The following TMEM132D variants were observed in gnomAD, a reference collection of about 807,000 sequenced individuals.
The protein encoded by TMEM132D is transmembrane protein 132D, also known as mature OL transmembrane protein.
In TMEM132D, 21 loss-of-function variants were observed where a neutral mutation model predicts 62.3. That is an observed-to-expected ratio of 0.34 (90% CI 0.24 to 0.49). TMEM132D has a LOEUF of 0.49. Among genes scored for constraint, TMEM132D ranks in the 20% least tolerant of loss-of-function variants. The pLI is 0.99. For missense variants in TMEM132D, 1,346 were observed against 1,402.8 expected (o/e 0.96, Z 0.65); for synonymous variants, 621 against 575.6 (o/e 1.08, Z -1.13).
intron 3 of TMEM132D, among the ~76,000 whole-genome samples, chr12:129,515,882 TG>T (rs1875659381): frequency 6.6e-6 from 1 of 152,242 alleles, no homozygotes; most frequent in African/African-American, 2.4e-5. Flanking sequence ...TCCCGTGACA[TG>T]TAAAACCTTG....
intron 1 of TMEM132D, among the ~76,000 whole-genome samples, chr12:129,737,749 G>A (rs1054201661): frequency 2.0e-5 from 3 of 152,198 alleles, no homozygotes; most frequent in African/African-American, 7.2e-5. Flanking sequence ...AAATATAGAC[G>A]TTTTAGCAAA....
intron 1 of TMEM132D, among the ~76,000 whole-genome samples, chr12:129,838,195 C>T (rs572817430): frequency 1.2e-4 from 18 of 152,320 alleles, no homozygotes; most frequent in Non-Finnish European, 2.2e-4. Flanking sequence ...CACAGGTGAG[C>T]TGCTGTTAAC....
At chr12:129,434,671 T>A (rs1872743812) in intron 3 of TMEM132D, among the ~76,000 whole-genome samples, 1 of 150,500 alleles carries the variant, frequency 6.6e-6, no homozygotes, top group Non-Finnish European at 1.5e-5. Flanking sequence ...TTTTTTTTTT[T>A]AACTGTCACA....
intron 5 of TMEM132D, among the ~76,000 whole-genome samples, chr12:129,192,628 C>T (rs1878437036): frequency 6.6e-6 from 1 of 152,148 alleles, no homozygotes; most frequent in South Asian, 2.1e-4. Flanking sequence ...GGTGTCTCTT[C>T]TTATTAATCT....
rs775031413 is a variant in TMEM132D at position 129,074,525 on chromosome 12, C to T, written c.2650G>A (p.Asp884Asn). The change falls in exon 9 of 9, where the codon GAC becomes AAC. Residue 884 changes from aspartate (D) to asparagine (N), a missense_variant. Physicochemically the swap from Asp to Asn is conservative, Grantham distance 23. Coordinates refer to ENST00000422113, the MANE Select transcript of TMEM132D (RefSeq NM_133448.3). ...ACCTGGGCTGGGAAGCTGGTGAGGT[C>T]GCTGGGGATGGTCTGCAAGTGGCTG... ...DNSHLQTIPS[D>N]LTSFPAQVDL... 1.7e-5 allele frequency: 27 copies of T among 1,613,928 alleles called. No individual in the cohort carries two copies. The Admixed American group carries it at 2.2e-4, about 13-fold the overall frequency.
chr12:129,529,569 C>T (rs1487593457), intron 3 of TMEM132D, among the ~76,000 whole-genome samples: 1 of 152,236 alleles, frequency 6.6e-6, no homozygotes, highest in Non-Finnish European at 1.5e-5. Context: ...ACTACAACTA[C>T]TGCTTCTACT....
intron 5 of TMEM132D, among the ~76,000 whole-genome samples, chr12:129,200,829 G>A (rs1406608497): frequency 2.0e-5 from 3 of 152,178 alleles, no homozygotes; most frequent in Middle Eastern, 3.2e-3. Flanking sequence ...CTGCAGAAGA[G>A]CTTCTCTGAT....
At chr12:129,430,798 G>A (rs188420607) in intron 3 of TMEM132D, among the ~76,000 whole-genome samples, 5 of 152,284 alleles carry the variant, frequency 3.3e-5, no homozygotes, top group Non-Finnish European at 4.4e-5. Flanking sequence ...AATTGCAGTC[G>A]ATGGGATGGA....
chr12:129,765,045 G>A (rs1850333707), intron 1 of TMEM132D, among the ~76,000 whole-genome samples: 1 of 152,118 alleles, frequency 6.6e-6, no homozygotes, highest in Non-Finnish European at 1.5e-5. Context: ...AGCCCTCCAG[G>A]AGCCCTAGAA....
chr12:129,441,371 T>C (rs186161713), intron 3 of TMEM132D, among the ~76,000 whole-genome samples: 75 of 152,170 alleles, frequency 4.9e-4, no homozygotes, highest in Middle Eastern at 3.4e-3. Context: ...CTAGAAACCA[T>C]AAGAGGAACT....
At chr12:129,238,066 C>T (rs1032346124) in intron 4 of TMEM132D, among the ~76,000 whole-genome samples, 1 of 152,112 alleles carries the variant, frequency 6.6e-6, no homozygotes, top group African/African-American at 2.4e-5. Flanking sequence ...AGGGTCTGAT[C>T]CTCACCACCA....
At chr12:129,754,299 A>G (rs1270334471) in intron 1 of TMEM132D, among the ~76,000 whole-genome samples, 4 of 152,234 alleles carry the variant, frequency 2.6e-5, no homozygotes, top group African/African-American at 9.6e-5. Context: ...GCAGAATCTT[A>G]GGCATCAAAA....
At chr12:129,564,607 C>A (rs946716826) in intron 2 of TMEM132D, among the ~76,000 whole-genome samples, 3 of 152,166 alleles carry the variant, frequency 2.0e-5, no homozygotes, top group African/African-American at 7.2e-5. Context: ...CACTCTCAAG[C>A]CATGTGGATT....
At chr12:129,801,449 G>A (rs1206356567) in intron 1 of TMEM132D, among the ~76,000 whole-genome samples, 1 of 151,706 alleles carries the variant, frequency 6.6e-6, no homozygotes, top group South Asian at 2.1e-4. Flanking sequence ...ACACGGCAGG[G>A]TATTCCAACA....
At chr12:129,075,805 T>C (rs1384309931) in intron 8 of TMEM132D, among the ~76,000 whole-genome samples, 1 of 152,260 alleles carries the variant, frequency 6.6e-6, no homozygotes, top group Non-Finnish European at 1.5e-5. Flanking sequence ...ACCAACTTTC[T>C]TTGCAAATAG....
intron 3 of TMEM132D, among the ~76,000 whole-genome samples, chr12:129,524,948 A>C (rs1875974161): frequency 1.2e-5 from 1 of 84,898 alleles, no homozygotes. Flanking sequence ...TTTTTTTGAG[A>C]CGGAGTCTCG....
At chr12:129,280,297 G>C (rs1390887772) in intron 4 of TMEM132D, among the ~76,000 whole-genome samples, 1 of 152,142 alleles carries the variant, frequency 6.6e-6, no homozygotes, top group African/African-American at 2.4e-5. Flanking sequence ...TGAAAGACTG[G>C]TGGGATAATT....
intron 3 of TMEM132D, among the ~76,000 whole-genome samples, chr12:129,372,674 C>A (rs138269941): frequency 6.6e-6 from 1 of 151,802 alleles, no homozygotes; most frequent in Admixed American, 6.6e-5. Context: ...TGTGAGGGAT[C>A]TAGGTTGTGT....
chr12:129,826,697 G>C (rs1872672921), intron 1 of TMEM132D, among the ~76,000 whole-genome samples: 1 of 152,188 alleles, frequency 6.6e-6, no homozygotes, highest in South Asian at 2.1e-4. Context: ...ACAGGGATTG[G>C]ACTGGATTTT....
Sources: gnomAD v4.1 joint callset for allele counts (sites outside exome capture counted in the v4.1 genomes callset) on GRCh38, gnomAD v4.1.1 for gene constraint, MANE v1.5 for transcripts, NCBI Gene and HGNC (gene_info 2026-07-23, HGNC 2026-07-21) for gene names.